The following MMP26 variants were observed in gnomAD, a reference collection of about 807,000 sequenced individuals.
The protein encoded by MMP26 is matrix metalloproteinase-26.
MMP26 carries 33 observed loss-of-function variants against 31.0 expected under a neutral mutation model. The ratio of observed to expected loss-of-function variants is 1.06; its 90% CI spans 0.81 to 1.42. The LOEUF (loss-of-function observed/expected upper bound fraction) is 1.42. Ranked by LOEUF, MMP26 falls within the 40% of genes most tolerant of loss-of-function variation. The pLI, the probability that MMP26 is intolerant of heterozygous loss-of-function variation, is 0.00. For missense variants in MMP26, 347 were observed against 316.1 expected, an observed-to-expected ratio of 1.10 and a Z score of -0.74; for synonymous variants, 122 against 114.9, an observed-to-expected ratio of 1.06 and a Z score of -0.40.
chr11:4,923,358 C>T (rs771597460), intron 2 of MMP26: 13 of 1,519,562 alleles, frequency 8.6e-6, no homozygotes, highest in Non-Finnish European at 1.1e-5. Flanking sequence ...CCAAAACTTC[C>T]TCTCTTTACT....
At chr11:4,849,300 A>G in intron 2 of MMP26, 2 of 1,376,374 alleles carry the variant, frequency 1.5e-6, no homozygotes. Flanking sequence ...ACGTTCCAAA[A>G]TAGCCTGCAT....
intron 2 of MMP26, among the ~76,000 whole-genome samples, chr11:4,917,466 T>C (rs1304654080): frequency 1.3e-5 from 2 of 152,206 alleles, no homozygotes; most frequent in Non-Finnish European, 2.9e-5. Flanking sequence ...CATTGCTGAT[T>C]CTTTAGCTGA....
At chr11:4,884,495 A>G (rs566608162) in intron 2 of MMP26, among the ~76,000 whole-genome samples, 3 of 152,262 alleles carry the variant, frequency 2.0e-5, no homozygotes, top group African/African-American at 7.2e-5. Flanking sequence ...CCAAAGATAT[A>G]TCTAGTTTCT....
chr11:4,990,959 A>T (rs1846990981), intron 5 of MMP26, among the ~76,000 whole-genome samples: 1 of 152,190 alleles, frequency 6.6e-6, no homozygotes, highest in Admixed American at 6.5e-5. Context: ...CAGTGTGAAT[A>T]TGGTGGGGGT....
intron 1 of MMP26, among the ~76,000 whole-genome samples, chr11:4,712,839 T>A (rs1169511198): frequency 6.6e-6 from 1 of 152,032 alleles, no homozygotes; most frequent in African/African-American, 2.4e-5. Flanking sequence ...CTTATATCTC[T>A]TATTTTTCCC....
intron 2 of MMP26, chr11:4,912,606 C>T (rs1051830347): frequency 1.3e-5 from 2 of 152,112 alleles, no homozygotes; most frequent in African/African-American, 4.8e-5. Context: ...CATGTTAATA[C>T]ACACAATTCA....
intron 1 of MMP26, chr11:4,723,618 C>T: frequency 1.1e-6 from 1 of 890,842 alleles, no homozygotes; most frequent in South Asian, 1.3e-5. Context: ...ATTCATTCTC[C>T]AGCTCTGCAC....
intron 2 of MMP26, chr11:4,973,778 A>G (rs188398083): frequency 3.2e-5 from 5 of 156,810 alleles, no homozygotes; most frequent in East Asian, 3.9e-4. Context: ...AACAGTGTAC[A>G]TGAGACATAT....
chr11:4,852,378 T>C (rs1849987443), intron 2 of MMP26, among the ~76,000 whole-genome samples: 1 of 152,158 alleles, frequency 6.6e-6, no homozygotes, highest in African/African-American at 2.4e-5. Flanking sequence ...CTCTCCACAA[T>C]AGCAGACTGC....
At position 4,858,331 on chromosome 11, in the gene MMP26, C is replaced by T. The variant is rs540299756; in HGVS notation, c.-145+90990C>T. On this transcript the variant is annotated intron_variant, in intron 2 of 7. Coordinates refer to ENST00000380390, the MANE Select transcript of MMP26 (RefSeq NM_021801.5). ...TGATTGCATATTTAGAAAACCCCAT[C>T]GTCTCAGCCCAAAATCTCCTTAAGC... 1.8e-4 allele frequency among the ~76,000 whole-genome samples: 27 copies of T among 152,246 alleles called. No homozygotes were observed. The South Asian group carries it at 1.9e-3, about 11-fold the overall frequency.
At chr11:4,781,425 T>C (rs1848859495) in intron 2 of MMP26, among the ~76,000 whole-genome samples, 2 of 116,560 alleles carry the variant, frequency 1.7e-5, no homozygotes, top group South Asian at 4.9e-4. Flanking sequence ...CGGGCGCCTG[T>C]AGTCCCAGCT....
At chr11:4,849,851 A>G (rs974224774) in intron 2 of MMP26, among the ~76,000 whole-genome samples, 19 of 152,002 alleles carry the variant, frequency 1.2e-4, no homozygotes, top group African/African-American at 4.6e-4. Flanking sequence ...TAAAATTTTT[A>G]TTTTATTGAA....
At chr11:4,715,475 T>C (rs1050355768) in intron 1 of MMP26, among the ~76,000 whole-genome samples, 6 of 152,056 alleles carry the variant, frequency 3.9e-5, no homozygotes, top group Non-Finnish European at 7.4e-5. Context: ...GATCAAATAG[T>C]GGATCTAAAA....
intron 1 of MMP26, chr11:4,710,874 T>G (rs1847854407): frequency 6.3e-6 from 1 of 157,506 alleles, no homozygotes; most frequent in Non-Finnish European, 1.4e-5. Context: ...GTAGGCAAAG[T>G]CTAGGTTTTA....
At chr11:4,755,521 A>C (rs184805158) in intron 1 of MMP26, among the ~76,000 whole-genome samples, 18 of 152,186 alleles carry the variant, frequency 1.2e-4, no homozygotes, top group African/African-American at 4.3e-4. Flanking sequence ...TCATCTCAAG[A>C]AAAAGTAGCC....
intron 2 of MMP26, among the ~76,000 whole-genome samples, chr11:4,820,059 C>T (rs181895680): frequency 6.6e-6 from 1 of 152,174 alleles, no homozygotes; most frequent in South Asian, 2.1e-4. Context: ...ACATCAAACT[C>T]CCCTCCAAAG....
chr11:4,799,401 C>A (rs12787156), intron 2 of MMP26, among the ~76,000 whole-genome samples: 55,949 of 151,742 alleles, frequency 0.37, 11,395 homozygotes, highest in African/African-American at 0.52. Context: ...AAACAAGAAG[C>A]TCTCACATGA....
intron 2 of MMP26, among the ~76,000 whole-genome samples, chr11:4,838,081 G>A (rs1389335085): frequency 1.3e-5 from 2 of 151,540 alleles, no homozygotes; most frequent in Non-Finnish European, 2.9e-5. Context: ...ACTTTGGGAG[G>A]CTGAGGCAGG....
chr11:4,936,772 A>G (rs1303930802), intron 2 of MMP26, among the ~76,000 whole-genome samples: 2 of 152,184 alleles, frequency 1.3e-5, no homozygotes, highest in Admixed American at 6.6e-5. Flanking sequence ...CAATGGAGAT[A>G]TGGTCATTTG....
Sources: gnomAD v4.1 joint callset for allele counts (sites outside exome capture counted in the v4.1 genomes callset) on GRCh38, gnomAD v4.1.1 for gene constraint, MANE v1.5 for transcripts, NCBI Gene and HGNC (gene_info 2026-07-23, HGNC 2026-07-21) for gene names.